Variants in BMPR2 observed in about 807,000 individuals in gnomAD.
BMPR2 encodes the protein bone morphogenetic protein receptor type 2.
A neutral mutation model predicts 100.8 loss-of-function variants in BMPR2; 29 were observed. The observed-to-expected ratio is 0.29, with a 90% confidence interval of 0.21 to 0.39. The LOEUF is 0.39. Ranked by LOEUF, BMPR2 falls within the 10% of genes least tolerant of loss-of-function variation. BMPR2 has a pLI of 1.00. For missense variants in BMPR2, 1,011 were observed against 1,274.5 expected (o/e 0.79, Z 3.15); for synonymous variants, 382 against 442.3 (o/e 0.86, Z 1.71).
intron 1 of BMPR2, among the ~76,000 whole-genome samples, chr2:202,407,406 T>C (rs182168910): frequency 3.0e-4 from 45 of 152,306 alleles, no homozygotes; most frequent in Non-Finnish European, 5.9e-5. Context: ...TTCATGCGTA[T>C]ATTTGTTTTG....
chr2:202,504,461 C>G (rs968480016), intron 3 of BMPR2, among the ~76,000 whole-genome samples: 1 of 151,920 alleles, frequency 6.6e-6, no homozygotes, highest in Non-Finnish European at 1.5e-5. Context: ...CCAGCGAGAC[C>G]ACAAACCCAC....
chr2:202,507,660 A>T (rs1687547191), intron 3 of BMPR2, among the ~76,000 whole-genome samples: 1 of 151,508 alleles, frequency 6.6e-6, no homozygotes, highest in African/African-American at 2.4e-5. Flanking sequence ...AAATGCTGAG[A>T]TCACAGGCAT....
chr2:202,445,815 C>T (rs1215113099), intron 1 of BMPR2, among the ~76,000 whole-genome samples: 1 of 143,586 alleles, frequency 7.0e-6, no homozygotes, highest in Non-Finnish European at 1.5e-5. Context: ...TGCTCTGTCG[C>T]CCAGGCTGGA....
intron 3 of BMPR2, among the ~76,000 whole-genome samples, chr2:202,473,877 C>A (rs1052175262): frequency 2.6e-5 from 4 of 152,242 alleles, no homozygotes; most frequent in Admixed American, 1.3e-4. Context: ...GAGGCCGAGG[C>A]AGGCGGATCA....
At chr2:202,449,809 G>A (rs541379967) in intron 1 of BMPR2, among the ~76,000 whole-genome samples, 2 of 152,204 alleles carry the variant, frequency 1.3e-5, no homozygotes, top group African/African-American at 4.8e-5. Flanking sequence ...ATATATTATA[G>A]CCTTGAGGCT....
intron 9 of BMPR2, among the ~76,000 whole-genome samples, chr2:202,535,903 C>T (rs1688147077): frequency 1.3e-5 from 2 of 152,326 alleles, no homozygotes; most frequent in Non-Finnish European, 2.9e-5. Flanking sequence ...GCCAACACAG[C>T]GAAACCCCGT....
intron 3 of BMPR2, among the ~76,000 whole-genome samples, chr2:202,492,337 G>T (rs750114125): frequency 6.6e-6 from 1 of 151,760 alleles, no homozygotes; most frequent in Non-Finnish European, 1.5e-5. Context: ...CGTGTATAAT[G>T]CTTATACATT....
At chr2:202,514,132 T>C (rs1314136666) in intron 4 of BMPR2, among the ~76,000 whole-genome samples, 1 of 150,872 alleles carries the variant, frequency 6.6e-6, no homozygotes, top group Non-Finnish European at 1.5e-5. Context: ...TAAAATTTAT[T>C]TTATTTTATT....
chr2:202,497,064 G>A (rs540852200), intron 3 of BMPR2, among the ~76,000 whole-genome samples: 103 of 152,352 alleles, frequency 6.8e-4, no homozygotes, highest in African/African-American at 2.4e-3. Context: ...GCCAGCGGCT[G>A]CGGGGGGTGC....
rs759401910 is a variant in BMPR2, at chr2:202,450,497, G to T, written c.77-14312G>T. ...ACCTGAGGTTGGGAGGTTGAGACCA[G>T]CCTGACCAACATGGAGAAACCCTGT... On this transcript the variant is annotated intron_variant, in intron 1 of 12. Coordinates refer to ENST00000374580, the MANE Select transcript of BMPR2 (RefSeq NM_001204.7). Among the ~76,000 whole-genome samples the T allele has an allele frequency of 9.2e-4, 140 of 152,074 alleles. 1 individual carries two copies. Among genetic ancestry groups the T allele is most frequent in the Admixed American group, 1.6e-3 (24 of 15,266 alleles).
intron 1 of BMPR2, among the ~76,000 whole-genome samples, chr2:202,399,058 G>A (rs949691879): frequency 1.3e-5 from 2 of 152,126 alleles, no homozygotes; most frequent in Admixed American, 6.6e-5. Flanking sequence ...AACCTGGGAG[G>A]CGGAGGTTAT....
intron 3 of BMPR2, chr2:202,469,600 TC>T (rs1179063809): frequency 5.0e-6 from 1 of 199,204 alleles, no homozygotes; most frequent in African/African-American, 2.4e-5. Context: ...TGTCTCAGCC[TC>T]CCAAGTAGCC....
intron 1 of BMPR2, among the ~76,000 whole-genome samples, chr2:202,440,695 C>A (rs1472069262): frequency 1.3e-5 from 2 of 150,450 alleles, no homozygotes; most frequent in Non-Finnish European, 2.9e-5. Context: ...ACTCGGCAGG[C>A]TGAGGCAGGA....
chr2:202,511,351 A>C (rs1474468430), intron 3 of BMPR2, among the ~76,000 whole-genome samples: 66 of 152,158 alleles, frequency 4.3e-4, no homozygotes, highest in Non-Finnish European at 1.3e-4. Context: ...CGGGTGTTGT[A>C]AATAGTGATG....
At chr2:202,460,148 T>C (rs528883370) in intron 1 of BMPR2, among the ~76,000 whole-genome samples, 1 of 152,348 alleles carries the variant, frequency 6.6e-6, no homozygotes, top group African/African-American at 2.4e-5. Context: ...GGAACACTTA[T>C]ACACTGTTGG....
chr2:202,473,705 C>T (rs553800722), intron 3 of BMPR2, among the ~76,000 whole-genome samples: 196 of 151,920 alleles, frequency 1.3e-3, no homozygotes, highest in African/African-American at 4.5e-3. Flanking sequence ...GCACGAGAAT[C>T]GCTTGAACCC....
chr2:202,490,060 A>T (rs1459406137), intron 3 of BMPR2, among the ~76,000 whole-genome samples: 1 of 152,148 alleles, frequency 6.6e-6, no homozygotes, highest in African/African-American at 2.4e-5. Flanking sequence ...CATTTACTCA[A>T]GCTTCTATCA....
chr2:202,489,030 T>TG (rs1692843854), intron 3 of BMPR2, among the ~76,000 whole-genome samples: 1 of 151,338 alleles, frequency 6.6e-6, no homozygotes, highest in Admixed American at 6.6e-5. Flanking sequence ...AGGTGGAGTT[T>TG]TGCTCTTGTC....
intron 1 of BMPR2, among the ~76,000 whole-genome samples, chr2:202,385,216 A>G (rs945944932): frequency 6.6e-6 from 1 of 150,744 alleles, no homozygotes; most frequent in Non-Finnish European, 1.5e-5. Context: ...AATCTATGTA[A>G]TTGTAGTAGA....
Sources: allele counts gnomAD v4.1 joint callset (sites outside exome capture counted in the v4.1 genomes callset), GRCh38; gene constraint gnomAD v4.1.1; transcripts MANE v1.5; gene names NCBI Gene and HGNC (gene_info 2026-07-23, HGNC 2026-07-21).